The following ATP11A variants were observed in gnomAD, a reference collection of about 807,000 sequenced individuals.
ATP11A encodes the protein phospholipid-transporting ATPase IH.
Under a neutral mutation model 154.4 loss-of-function variants are expected in ATP11A, and 81 were observed. The observed-to-expected ratio is 0.52, with a 90% CI of 0.44 to 0.63. The LOEUF (loss-of-function observed/expected upper bound fraction) is 0.63, where lower values mean the gene tolerates loss of function less well. Among genes scored for constraint, ATP11A ranks in the 30% least tolerant of loss-of-function variants. The pLI, the probability that ATP11A is intolerant of heterozygous loss-of-function variation, is 0.00. For missense variants in ATP11A, 1,316 were observed against 1,474.3 expected (o/e 0.89, Z 1.76); for synonymous variants, 623 against 585.9 (o/e 1.06, Z -0.91).
At chr13:112,869,784 T>G (rs982919295) in intron 25 of ATP11A, among the ~76,000 whole-genome samples, 5 of 152,228 alleles carry the variant, frequency 3.3e-5, no homozygotes, top group Admixed American at 6.5e-5. Context: ...GCTGGCCACA[T>G]GTGCTTGTAG....
chr13:112,815,599 A>G (rs1212374762), intron 5 of ATP11A, among the ~76,000 whole-genome samples: 4 of 152,232 alleles, frequency 2.6e-5, no homozygotes, highest in African/African-American at 9.6e-5. Flanking sequence ...AAAAACCCAC[A>G]TGATCAACTT....
chr13:112,869,798 G>C (rs956441263), intron 25 of ATP11A, among the ~76,000 whole-genome samples: 4 of 152,230 alleles, frequency 2.6e-5, no homozygotes, highest in African/African-American at 9.6e-5. Flanking sequence ...CTTGTAGGCT[G>C]CTGCCAAGCC....
chr13:112,885,836 C>T lies in ATP11A; in HGVS notation c.*3970C>T, dbSNP rs940507362. The stretch of plus-strand genomic sequence containing the variant: ...CATGCCTCCCTGGGATGAAGAGTCC[C>T]CCTCCTGGCAGAATGTCTGGGCTTT... On this transcript the variant is annotated 3_prime_UTR_variant, in exon 30 of 30. Coordinates refer to ENST00000375645, the MANE Select transcript of ATP11A (RefSeq NM_015205.3). 1 of 152,324 alleles carries T rather than the reference C, an allele frequency of 6.6e-6. No homozygotes were observed. Among genetic ancestry groups the T allele is most frequent in the Non-Finnish European group, 1.5e-5 (1 of 68,098 alleles). 9.4% of individuals were successfully genotyped at this position (152,324 alleles called of 1,614,324 possible). A position where few individuals can be genotyped will look rare whatever the true frequency, so the allele number is the denominator to read the frequency against.
chr13:112,813,118 A>G (rs2078548721), intron 5 of ATP11A, among the ~76,000 whole-genome samples: 3 of 152,262 alleles, frequency 2.0e-5, no homozygotes, highest in Admixed American at 2.0e-4. Context: ...GGCTTTTCCT[A>G]CAACGGCAGA....
Position 112,880,422 on chromosome 13 carries a change from A to C in ATP11A, c.*10-1454A>C, listed in dbSNP as rs566164989. On this transcript the variant is annotated intron_variant, in intron 29 of 29. Coordinates refer to ENST00000375645, the MANE Select transcript of ATP11A (RefSeq NM_015205.3). ...CTGGCAGCTCCATGACACCCCATGC[A>C]GACTCCAACAGGGGCTTCGAGCCTC... 19 of 813,958 alleles carry C rather than the reference A, an allele frequency of 2.3e-5. No individual in the cohort carries two copies. The East Asian group carries it at 1.4e-3, about 59-fold the overall frequency. The allele number at this position is 813,958 out of a possible 1,614,324, so 50.4% of individuals were successfully genotyped here.
chr13:112,734,837 C>A (rs564249427), intron 1 of ATP11A, among the ~76,000 whole-genome samples: 1 of 152,230 alleles, frequency 6.6e-6, no homozygotes, highest in South Asian at 2.1e-4. Flanking sequence ...GAGGCAGCAA[C>A]CCCAAAAGGT....
At chr13:112,719,302 A>G (rs926294561) in intron 1 of ATP11A, among the ~76,000 whole-genome samples, 2 of 152,368 alleles carry the variant, frequency 1.3e-5, no homozygotes, top group South Asian at 2.1e-4. Context: ...AAGCAAGTCA[A>G]TATAAAAAGA....
chr13:112,857,480 A>C (rs1056469931), intron 20 of ATP11A, among the ~76,000 whole-genome samples: 1 of 152,224 alleles, frequency 6.6e-6, no homozygotes, highest in African/African-American at 2.4e-5. Flanking sequence ...GGATTTACAC[A>C]CTTTTCCATA....
At chr13:112,846,118 G>T (rs1438763110) in intron 17 of ATP11A, among the ~76,000 whole-genome samples, 1 of 152,122 alleles carries the variant, frequency 6.6e-6, no homozygotes, top group African/African-American at 2.4e-5. Context: ...CTTTTGAGGT[G>T]TTTCGTGATG....
rs116576815 is a variant in ATP11A, at chr13:112,867,115, G to C, written c.2991+4540G>C. On this transcript the variant is annotated intron_variant, in intron 25 of 29. Transcript: ENST00000375645. The stretch of plus-strand genomic sequence containing the variant: ...AGCACTGAGATTCCAGGCTCCTGGC[G>C]GCTGCCAATGGCAATAGCAAGTCCC... Among the ~76,000 whole-genome samples the C allele has an allele frequency of 4.4e-3, 675 of 152,266 alleles. 5 individuals carry two copies. Among genetic ancestry groups the C allele is most frequent in the African/African-American group, 0.016 (652 of 41,544 alleles).
At chr13:112,863,627 A>G (rs1195994028) in intron 25 of ATP11A, among the ~76,000 whole-genome samples, 2 of 149,098 alleles carry the variant, frequency 1.3e-5, no homozygotes, top group Non-Finnish European at 3.0e-5. Context: ...CCACCTGCAC[A>G]GTAATTCAGT....
chr13:112,838,058 A>G lies in ATP11A; in HGVS notation c.1705+1807A>G, dbSNP rs1348748719. ...AGGCTCCACAGTGAGATGTCTACTG[A>G]TGGTCATAGGATGAGGAACAATCTG... On this transcript the variant is annotated intron_variant, in intron 16 of 29. Coordinates refer to ENST00000375645, the MANE Select transcript of ATP11A (RefSeq NM_015205.3). This position sits in a 1 kb window ranked among gnomAD's most constrained non-coding sequence, Gnocchi z 7.3. Among the ~76,000 whole-genome samples the G allele has an allele frequency of 1.3e-5, 2 of 152,094 alleles. No individual in the cohort carries two copies. Among genetic ancestry groups the G allele is most frequent in the Non-Finnish European group, 2.9e-5 (2 of 68,002 alleles).
At chr13:112,707,345 A>G (rs1423208095) in intron 1 of ATP11A, among the ~76,000 whole-genome samples, 1 of 151,194 alleles carries the variant, frequency 6.6e-6, no homozygotes, top group African/African-American at 2.4e-5. Flanking sequence ...AACCCAGGAG[A>G]CAGAGGTTGC....
At chr13:112,865,488 A>G (rs2080299768) in intron 25 of ATP11A, among the ~76,000 whole-genome samples, 1 of 152,228 alleles carries the variant, frequency 6.6e-6, no homozygotes, top group Non-Finnish European at 1.5e-5. Context: ...CACTTTAAAG[A>G]TCGCATTACC....
chr13:112,837,524 C>T (rs1183209190), intron 16 of ATP11A, among the ~76,000 whole-genome samples: 2 of 152,238 alleles, frequency 1.3e-5, no homozygotes, highest in Non-Finnish European at 2.9e-5. Context: ...CTCCCAAATC[C>T]TGTGCCGTTC....
chr13:112,863,375 A>C, intron 25 of ATP11A, among the ~76,000 whole-genome samples: 1 of 139,408 alleles, frequency 7.2e-6, no homozygotes, highest in Admixed American at 7.3e-5. Context: ...AGTGCGGCCC[A>C]TGCAGCTTCC....
intron 6 of ATP11A, among the ~76,000 whole-genome samples, chr13:112,816,595 G>A (rs529147412): frequency 6.6e-5 from 10 of 152,160 alleles, no homozygotes; most frequent in Admixed American, 1.3e-4. Flanking sequence ...AGCCCAGCAC[G>A]CTCTTGTCCA....
At chr13:112,826,995 T>C in intron 12 of ATP11A, 104 bp downstream of exon 12, 2 of 1,173,298 alleles carry the variant, frequency 1.7e-6, no homozygotes, top group Non-Finnish European at 2.5e-6. Flanking sequence ...GCTGTACCTG[T>C]AGCTGGCGTA....
Position 112,785,060 on chromosome 13 carries a change from C to T in ATP11A, c.40-75C>T, listed in dbSNP as rs2077590240. ...GGTCTCCGTTCCGACGAACGTGCCT[C>T]AAGGCAACACTCTGGGCAAGAGCTT... On this transcript the variant is annotated intron_variant, in intron 1 of 29. Coordinates refer to ENST00000375645, the MANE Select transcript of ATP11A (RefSeq NM_015205.3). This position sits in a 1 kb window ranked among gnomAD's most constrained non-coding sequence, Gnocchi z 4.8. 7 of 1,368,784 alleles carry T rather than the reference C, an allele frequency of 5.1e-6. No homozygotes were observed. Among genetic ancestry groups the T allele is most frequent in the Non-Finnish European group, 5.7e-6 (6 of 1,051,848 alleles). 84.8% of individuals were successfully genotyped at this position (1,368,784 alleles called of 1,614,324 possible). A position where few individuals can be genotyped will look rare whatever the true frequency, so the allele number is the denominator to read the frequency against.
Sources: allele counts gnomAD v4.1 joint callset (sites outside exome capture counted in the v4.1 genomes callset), GRCh38; gene constraint gnomAD v4.1.1; non-coding constraint Gnocchi (gnomAD v3.1); transcripts MANE v1.5; gene names NCBI Gene and HGNC (gene_info 2026-07-23, HGNC 2026-07-21).